Variants in GRIK1 observed in about 807,000 individuals in gnomAD.
GRIK1 encodes the protein glutamate receptor ionotropic, kainate 1.
GRIK1 carries 69 observed loss-of-function variants against 105.7 expected under a neutral mutation model. The ratio of observed to expected loss-of-function variants is 0.65; its 90% CI spans 0.54 to 0.80. The LOEUF (loss-of-function observed/expected upper bound fraction) is 0.80. Among genes scored for constraint, GRIK1 ranks in the 30% least tolerant of loss-of-function variants. GRIK1 has a pLI of 0.00. For missense variants in GRIK1, 1,109 were observed against 1,167.3 expected (o/e 0.95, Z 0.73); for synonymous variants, 438 against 431.3 (o/e 1.02, Z -0.19).
At chr21:29,898,027 C>A (rs2070236608) in intron 1 of GRIK1, among the ~76,000 whole-genome samples, 1 of 152,112 alleles carries the variant, frequency 6.6e-6, no homozygotes, top group Non-Finnish European at 1.5e-5. Flanking sequence ...AGTTACCAGG[C>A]CGAGTTAAAT....
chr21:29,760,579 A>T (rs889458387), intron 1 of GRIK1: 5 of 152,230 alleles, frequency 3.3e-5, no homozygotes, highest in Admixed American at 1.3e-4. Context: ...CTTTAAGAGC[A>T]ATCATCACTC....
chr21:29,828,757 CA>C (rs2067546028), intron 1 of GRIK1, among the ~76,000 whole-genome samples: 1 of 152,120 alleles, frequency 6.6e-6, no homozygotes, highest in Non-Finnish European at 1.5e-5. Flanking sequence ...GCTTGGCCTT[CA>C]AAAGTGCTAG....
chr21:29,837,854 C>T (rs762113560), intron 1 of GRIK1, among the ~76,000 whole-genome samples: 11 of 152,196 alleles, frequency 7.2e-5, no homozygotes, highest in Middle Eastern at 3.4e-3. Context: ...TCCAAAGCCC[C>T]GAGTGTGGAG....
chr21:29,707,437 TCCCTC>T (rs2063935293), intron 1 of GRIK1, among the ~76,000 whole-genome samples: 1 of 51,050 alleles, frequency 2.0e-5, no homozygotes, highest in African/African-American at 8.0e-5. Context: ...CCTTCCTCCC[TCCCTC>T]CCTCCCTCCC....
chr21:29,889,967 A>T (rs1345133639), intron 1 of GRIK1, among the ~76,000 whole-genome samples: 1 of 152,080 alleles, frequency 6.6e-6, no homozygotes, highest in Non-Finnish European at 1.5e-5. Flanking sequence ...TGAAACACCG[A>T]TGCAACCCTT....
At chr21:29,771,938 C>T (rs1184905070) in intron 1 of GRIK1, among the ~76,000 whole-genome samples, 2 of 152,238 alleles carry the variant, frequency 1.3e-5, no homozygotes, top group African/African-American at 4.8e-5. Flanking sequence ...GAACACTCAG[C>T]AAGCAGCTCT....
intron 1 of GRIK1, among the ~76,000 whole-genome samples, chr21:29,788,167 C>T (rs1270614145): frequency 1.3e-5 from 2 of 152,156 alleles, no homozygotes; most frequent in African/African-American, 4.8e-5. Context: ...GATGACAAAA[C>T]AATTCCAAAT....
intron 1 of GRIK1, among the ~76,000 whole-genome samples, chr21:29,718,266 A>T (rs2064227666): frequency 6.6e-6 from 1 of 152,232 alleles, no homozygotes; most frequent in South Asian, 2.1e-4. Flanking sequence ...CTGAGATGTT[A>T]AGCAGCTTTC....
At chr21:29,585,329 G>C (rs563836769) in intron 12 of GRIK1, among the ~76,000 whole-genome samples, 1 of 152,052 alleles carries the variant, frequency 6.6e-6, no homozygotes, top group Admixed American at 6.6e-5. Context: ...CTATTGAATG[G>C]CGTGCCATTC....
At chr21:29,766,742 A>T (rs77928486) in intron 1 of GRIK1, among the ~76,000 whole-genome samples, 1,622 of 152,320 alleles carry the variant, frequency 0.011, 26 homozygotes, top group African/African-American at 0.037. Context: ...TGTTTGTATA[A>T]GGGAGAAGAA....
chr21:29,681,267 A>T (rs182032443), intron 3 of GRIK1, among the ~76,000 whole-genome samples: 32 of 152,260 alleles, frequency 2.1e-4, no homozygotes, highest in African/African-American at 7.5e-4. Flanking sequence ...TGTTACTCTG[A>T]TCTTATCCAC....
At chr21:29,621,773 G>T (rs1291806628) in intron 7 of GRIK1, among the ~76,000 whole-genome samples, 1 of 152,118 alleles carries the variant, frequency 6.6e-6, no homozygotes, top group African/African-American at 2.4e-5. Flanking sequence ...TTCAGAATCA[G>T]TAAAATATAG....
At chr21:29,831,634 G>C (rs2067643643) in intron 1 of GRIK1, among the ~76,000 whole-genome samples, 1 of 152,024 alleles carries the variant, frequency 6.6e-6, no homozygotes, top group African/African-American at 2.4e-5. Context: ...GATCTCATGA[G>C]AACTTACTAT....
At chr21:29,637,802 G>A (rs2062427833) in intron 7 of GRIK1, among the ~76,000 whole-genome samples, 1 of 152,198 alleles carries the variant, frequency 6.6e-6, no homozygotes, top group South Asian at 2.1e-4. Flanking sequence ...CTCAGCCTTG[G>A]TTGAGGTGAA....
chr21:29,694,168 A>G (rs1394200058), intron 1 of GRIK1, 105 bp from the exon 2 acceptor site: 2 of 717,444 alleles, frequency 2.8e-6, no homozygotes, highest in African/African-American at 4.2e-5. Context: ...TCTGTCACCC[A>G]GACTGGAGTG....
At chr21:29,823,139 G>A (rs1174577220) in intron 1 of GRIK1, among the ~76,000 whole-genome samples, 1 of 151,896 alleles carries the variant, frequency 6.6e-6, no homozygotes, top group African/African-American at 2.4e-5. Flanking sequence ...AATAAAATAT[G>A]CGAACATGAG....
intron 4 of GRIK1, among the ~76,000 whole-genome samples, chr21:29,670,037 C>A (rs2037454383): frequency 6.6e-6 from 1 of 152,114 alleles, no homozygotes; most frequent in Non-Finnish European, 1.5e-5. Flanking sequence ...TCCAATGAAG[C>A]CCCATTAAGC....
chr21:29,800,565 TG>T (rs2066677935), intron 1 of GRIK1, among the ~76,000 whole-genome samples: 1 of 152,216 alleles, frequency 6.6e-6, no homozygotes, highest in African/African-American at 2.4e-5. Context: ...GTTTCTTTAT[TG>T]TACTTGATGA....
intron 1 of GRIK1, among the ~76,000 whole-genome samples, chr21:29,786,594 T>C (rs1302921417): frequency 6.6e-6 from 1 of 152,338 alleles, no homozygotes; most frequent in Non-Finnish European, 1.5e-5. Flanking sequence ...ACCAGTTTGC[T>C]TTTTGTTAAA....
Sources: allele counts gnomAD v4.1 joint callset (sites outside exome capture counted in the v4.1 genomes callset), GRCh38; gene constraint gnomAD v4.1.1; transcripts MANE v1.5; gene names NCBI Gene and HGNC (gene_info 2026-07-23, HGNC 2026-07-21).